The following TMTC3 variants were observed in gnomAD, a reference collection of about 807,000 sequenced individuals.
The protein encoded by TMTC3 is transmembrane O-mannosyltransferase targeting cadherins 3, also known as protein O-mannosyl-transferase TMTC3.
A neutral mutation model predicts 92.2 loss-of-function variants in TMTC3; 52 were observed. The ratio of observed to expected loss-of-function variants is 0.56; its 90% CI spans 0.45 to 0.71. TMTC3 has a LOEUF of 0.71. Among genes scored for constraint, TMTC3 ranks in the 30% least tolerant of loss-of-function variants. The pLI is 0.00. For missense variants in TMTC3, 896 were observed against 1,057.1 expected (o/e 0.85, Z 2.11); for synonymous variants, 339 against 363.3 (o/e 0.93, Z 0.76).
chr12:88,194,087 T>C (rs2041475931), intron 13 of TMTC3, among the ~76,000 whole-genome samples: 1 of 152,040 alleles, frequency 6.6e-6, no homozygotes, highest in Admixed American at 6.6e-5. Context: ...CAAGAAATGA[T>C]GGCACATGCC....
chr12:88,180,039 T>C (rs756903296), intron 10 of TMTC3, among the ~76,000 whole-genome samples: 4 of 152,332 alleles, frequency 2.6e-5, no homozygotes, highest in South Asian at 2.1e-4. Flanking sequence ...TATAACTTTT[T>C]CTTACAACTT....
At chr12:88,189,023 C>T in intron 11 of TMTC3, 77 bp downstream of exon 11, 2 of 773,506 alleles carry the variant, frequency 2.6e-6, no homozygotes, top group Non-Finnish European at 4.2e-6. Context: ...GAAGGAAAAT[C>T]TTTATCTTTT....
chr12:88,171,973 T>C (rs965040883), intron 7 of TMTC3, among the ~76,000 whole-genome samples: 2 of 152,118 alleles, frequency 1.3e-5, no homozygotes, highest in African/African-American at 4.8e-5. Context: ...TTTATATACT[T>C]GATGGCCATT....
chr12:88,180,985 C>G (rs2041311852), intron 10 of TMTC3, among the ~76,000 whole-genome samples: 1 of 152,124 alleles, frequency 6.6e-6, no homozygotes, highest in Non-Finnish European at 1.5e-5. Flanking sequence ...CTCATATTCC[C>G]CCTTTTTAGT....
At chr12:88,142,769 A>G (rs1172760827) in intron 1 of TMTC3, among the ~76,000 whole-genome samples, 1 of 152,184 alleles carries the variant, frequency 6.6e-6, no homozygotes, top group Non-Finnish European at 1.5e-5. Flanking sequence ...CGAAGAATTG[A>G]CAAGAGGTCT....
chr12:88,195,231 A>G lies in TMTC3; in HGVS notation c.2327A>G (p.Asn776Ser), dbSNP rs1210991006. The change falls in exon 14 of 14, where the codon AAT becomes AGT. Residue 776 changes from asparagine (N) to serine (S), a missense_variant. Transcript: ENST00000266712. ...CCAAGCAATGTGCAAGGAAAACACAATCTTTGTGTTGTTTATTTTGAAGAA... is the reference window on the plus strand; with the variant it reads ...CCAAGCAATGTGCAAGGAAAACACAGTCTTTGTGTTGTTTATTTTGAAGAA... ...MDPSNVQGKH[N>S]LCVVYFEEKD... is the part of the protein sequence containing the mutation. 24 of 1,613,864 alleles carry G rather than the reference A, an allele frequency of 1.5e-5. No individual in the cohort carries two copies. Among genetic ancestry groups the G allele is most frequent in the Non-Finnish European group, 2.0e-5 (24 of 1,179,920 alleles).
chr12:88,150,448 T>TA (rs2040929251), intron 2 of TMTC3, among the ~76,000 whole-genome samples: 1 of 152,198 alleles, frequency 6.6e-6, no homozygotes, highest in Non-Finnish European at 1.5e-5. Context: ...ACATATCACA[T>TA]ACCATGGTGT....
At chr12:88,189,486 T>C (rs2138438155) in intron 11 of TMTC3, among the ~76,000 whole-genome samples, 1 of 152,294 alleles carries the variant, frequency 6.6e-6, no homozygotes, top group African/African-American at 2.4e-5. Flanking sequence ...TTATGAGTTA[T>C]CAGCAAGTTA....
chr12:88,148,759 A>C (rs776373426), intron 2 of TMTC3, among the ~76,000 whole-genome samples: 4 of 150,228 alleles, frequency 2.7e-5, no homozygotes, highest in Non-Finnish European at 5.9e-5. Flanking sequence ...CTTTTATTTT[A>C]GATACAGGGC....
Position 88,148,512 on chromosome 12 carries a change from ATTAC to A in TMTC3, c.189+13_189+16del. ...GGAACCCCTATGTCTGAGGTAAGTA[ATTAC>A]TTACATATTACTTGTACATGTCTCA... On this transcript the variant is annotated intron_variant, in intron 2 of 13. Coordinates refer to ENST00000266712, the MANE Select transcript of TMTC3 (RefSeq NM_181783.4). 1 of 1,573,262 alleles carries A rather than the reference ATTAC, an allele frequency of 6.4e-7. No homozygotes were observed. Among genetic ancestry groups the A allele is most frequent in the Non-Finnish European group, 8.7e-7 (1 of 1,154,384 alleles).
chr12:88,155,016 C>T (rs116861074), intron 4 of TMTC3, among the ~76,000 whole-genome samples: 14 of 152,260 alleles, frequency 9.2e-5, no homozygotes, highest in Non-Finnish European at 1.9e-4. Context: ...CCAAGGTACT[C>T]ATGACAAGAA....
intron 13 of TMTC3, 83 bp downstream of exon 13, chr12:88,192,913 G>A: frequency 8.8e-7 from 1 of 1,137,860 alleles, no homozygotes; most frequent in African/African-American, 1.6e-5. Flanking sequence ...ATTACCCATA[G>A]CAAACACTTT....
At chr12:88,175,799 T>A (rs1180151419) in intron 9 of TMTC3, among the ~76,000 whole-genome samples, 1 of 152,180 alleles carries the variant, frequency 6.6e-6, no homozygotes, top group African/African-American at 2.4e-5. Flanking sequence ...TCTCAGGTTT[T>A]CCATTACCAT....
At chr12:88,182,306 T>G (rs2041327018) in intron 10 of TMTC3, among the ~76,000 whole-genome samples, 1 of 152,202 alleles carries the variant, frequency 6.6e-6, no homozygotes, top group Non-Finnish European at 1.5e-5. Flanking sequence ...TCTAGTTACC[T>G]CTGAGAAACA....
At position 88,166,487 on chromosome 12, in the gene TMTC3, C is replaced by T. The variant is rs768546704; in HGVS notation, c.955C>T (p.Arg319Ter). ...IPLIESLLDI[R>*]NLATFTFFCF... Reference sequence around the variant, plus strand: ...ACTTATAGAGTCATTACTAGATATTCGAAATCTGGCCACATTTACTTTCTT... The same window carrying T: ...ACTTATAGAGTCATTACTAGATATTTGAAATCTGGCCACATTTACTTTCTT... The change falls in exon 7 of 14, where the codon CGA (arginine) becomes TGA (stop). Residue 319 changes from arginine to a stop codon, truncating the protein, a stop_gained. Transcript: ENST00000266712. LOFTEE classifies it high-confidence loss of function. The T allele has an allele frequency of 5.6e-6, 9 of 1,613,698 alleles. No individual in the cohort carries two copies. The highest frequency in any genetic ancestry group is 4.0e-5 in the African/African-American group (3 of 74,858).
At chr12:88,151,425 T>C (rs951552437) in intron 2 of TMTC3, among the ~76,000 whole-genome samples, 1 of 152,298 alleles carries the variant, frequency 6.6e-6, no homozygotes, top group Middle Eastern at 3.4e-3. Context: ...CATGAGTAAT[T>C]TTTTCTTTAA....
intron 12 of TMTC3, 46 bp downstream of exon 12, chr12:88,190,668 G>T: frequency 6.4e-7 from 1 of 1,565,502 alleles, no homozygotes; most frequent in Non-Finnish European, 8.7e-7. Context: ...TATTGAAACT[G>T]CATCTCCATG....
intron 8 of TMTC3, 23 bp downstream of exon 8, chr12:88,172,768 G>GTAATGCTTACTATGGAAT: frequency 6.3e-7 from 1 of 1,583,034 alleles, no homozygotes; most frequent in African/African-American, 1.4e-5. Flanking sequence ...GTCAGTTCAT[G>GTAATGCTTACTATGGAAT]TAATGCTTAC....
Position 88,197,316 on chromosome 12 carries a change from G to GCTTTAAACTT in TMTC3, c.*1667_*1668insCTTTAAACTT, listed in dbSNP as rs2041526347. On this transcript the variant is annotated 3_prime_UTR_variant, in exon 14 of 14. Transcript: ENST00000266712. ...TTTAAAGCAAGCACTGATACCAGTG[G>GCTTTAAACTT]GAGTTGGTCTTGATCTAGGAGATTC... is the stretch of plus-strand genomic sequence containing the variant. 6.8e-6 allele frequency: 1 copy of GCTTTAAACTT among 148,020 alleles called. No homozygotes were observed. The highest frequency in any genetic ancestry group is 2.5e-5 in the African/African-American group (1 of 39,926). The allele number at this position is 148,020 out of a possible 1,614,324, so 9.2% of individuals were successfully genotyped here.
Sources: gnomAD v4.1 joint callset for allele counts (sites outside exome capture counted in the v4.1 genomes callset) on GRCh38, gnomAD v4.1.1 for gene constraint, MANE v1.5 for transcripts, NCBI Gene and HGNC (gene_info 2026-07-23, HGNC 2026-07-21) for gene names.